Variants in GLCE observed in about 807,000 individuals in gnomAD.
GLCE encodes the protein glucuronic acid epimerase, also known as D-glucuronyl C5-epimerase.
Under a neutral mutation model 47.9 loss-of-function variants are expected in GLCE, and 19 were observed. The observed-to-expected ratio is 0.40, with a 90% CI of 0.28 to 0.58. GLCE has a LOEUF of 0.58. Among genes scored for constraint, GLCE ranks in the 20% least tolerant of loss-of-function variants. The pLI, the probability that GLCE is intolerant of heterozygous loss-of-function variation, is 0.48. For synonymous variants in GLCE, 245 were observed against 263.4 expected, an observed-to-expected ratio of 0.93 and a Z score of 0.68; for missense variants, 556 against 743.3, an observed-to-expected ratio of 0.75 and a Z score of 2.93.
intron 1 of GLCE, among the ~76,000 whole-genome samples, chr15:69,201,315 A>G (rs1267132129): frequency 1.3e-5 from 2 of 152,064 alleles, no homozygotes; most frequent in Non-Finnish European, 2.9e-5. Flanking sequence ...AGATCACTGG[A>G]GTCAAGGAAG....
intron 1 of GLCE, among the ~76,000 whole-genome samples, chr15:69,175,718 C>T (rs2051652628): frequency 6.6e-6 from 1 of 152,138 alleles, no homozygotes; most frequent in African/African-American, 2.4e-5. Context: ...GGCTTTTGCT[C>T]AGGGGAAGTT....
chr15:69,264,103 C>A (rs2053051895), intron 4 of GLCE, among the ~76,000 whole-genome samples: 1 of 151,910 alleles, frequency 6.6e-6, no homozygotes, highest in African/African-American at 2.4e-5. Context: ...TACATCAGAC[C>A]CCTAGATCTT....
intron 2 of GLCE, among the ~76,000 whole-genome samples, chr15:69,243,946 A>T (rs1237811558): frequency 6.6e-6 from 1 of 152,126 alleles, no homozygotes; most frequent in African/African-American, 2.4e-5. Flanking sequence ...AGCCCAAAAA[A>T]TAGCTTTATC....
At chr15:69,219,678 T>C (rs544161670) in intron 2 of GLCE, among the ~76,000 whole-genome samples, 12 of 152,170 alleles carry the variant, frequency 7.9e-5, no homozygotes, top group Non-Finnish European at 1.8e-4. Context: ...TTTTTAAGAT[T>C]ATTGCCAGTT....
chr15:69,197,630 A>G (rs2052013233), intron 1 of GLCE, among the ~76,000 whole-genome samples: 1 of 152,094 alleles, frequency 6.6e-6, no homozygotes, highest in Admixed American at 6.6e-5. Context: ...GAAGTCGGAG[A>G]ATCGATTGTT....
In GLCE at chr15:69,268,480, C is replaced by G. The variant is rs776430099; in HGVS notation, c.1090C>G (p.Leu364Val). ...CACTGACCTCAGGAAAGGAGTGGGT[C>G]TTTCAAACACAAAAGCTGTCAAGCC... is the stretch of plus-strand genomic sequence containing the variant. Reference protein sequence around the residue: ...LVTDLRKGVGLSNTKAVKPTK... With the variant: ...LVTDLRKGVGVSNTKAVKPTK... The change falls in exon 5 of 5, where the codon CTT becomes GTT. Residue 364 changes from leucine to valine, a missense_variant. Transcript: ENST00000261858. The G allele has an allele frequency of 6.2e-7, 1 of 1,614,188 alleles. No individual in the cohort carries two copies. Among genetic ancestry groups the G allele is most frequent in the South Asian group, 1.1e-5 (1 of 91,076 alleles).
intron 1 of GLCE, among the ~76,000 whole-genome samples, chr15:69,169,342 G>T (rs547135920): frequency 6.6e-6 from 1 of 152,002 alleles, no homozygotes; most frequent in Non-Finnish European, 1.5e-5. Context: ...TTGGCAAAGC[G>T]CTTCATTTAA....
At chr15:69,168,987 G>T (rs1054463898) in intron 1 of GLCE, among the ~76,000 whole-genome samples, 3 of 152,162 alleles carry the variant, frequency 2.0e-5, no homozygotes, top group African/African-American at 4.8e-5. Context: ...GACCTTGAAA[G>T]CTTCCCTCCT....
chr15:69,254,690 G>A (rs560306928), intron 2 of GLCE, among the ~76,000 whole-genome samples: 1 of 152,270 alleles, frequency 6.6e-6, no homozygotes, highest in African/African-American at 2.4e-5. Flanking sequence ...AGGAAGGGTG[G>A]AACAGATTGA....
intron 1 of GLCE, among the ~76,000 whole-genome samples, chr15:69,193,415 C>A (rs2051942161): frequency 6.6e-6 from 1 of 152,066 alleles, no homozygotes; most frequent in African/African-American, 2.4e-5. Flanking sequence ...CATACTTTTC[C>A]ATTTATACCA....
chr15:69,165,638 T>C (rs1369194673), intron 1 of GLCE, among the ~76,000 whole-genome samples: 1 of 152,022 alleles, frequency 6.6e-6, no homozygotes, highest in East Asian at 1.9e-4. Flanking sequence ...CACTGTATCA[T>C]GTTCATTCAT....
At chr15:69,162,519 A>G (rs1486600821) in intron 1 of GLCE, among the ~76,000 whole-genome samples, 1 of 151,636 alleles carries the variant, frequency 6.6e-6, no homozygotes, top group Non-Finnish European at 1.5e-5. Flanking sequence ...TGCCTGCCTT[A>G]GTCTTTTTCT....
intron 2 of GLCE, among the ~76,000 whole-genome samples, chr15:69,216,683 C>T (rs943138072): frequency 6.6e-6 from 1 of 152,074 alleles, no homozygotes; most frequent in African/African-American, 2.4e-5. Flanking sequence ...TGTATAGCTG[C>T]TGTATAGTTC....
chr15:69,195,347 G>A (rs1466768598), intron 1 of GLCE, among the ~76,000 whole-genome samples: 2 of 151,784 alleles, frequency 1.3e-5, no homozygotes, highest in East Asian at 3.8e-4. Flanking sequence ...TAGAAAAAGA[G>A]AAGTAAAAAA....
In GLCE at chr15:69,244,619, T is replaced by C. The variant is rs2052722069; in HGVS notation, c.-13-11175T>C. On this transcript the variant is annotated intron_variant, in intron 2 of 4. Transcript: ENST00000261858. Reference sequence around the variant, plus strand: ...CAGAGCACAGCCTTTGGAGTCAGACTGAAAAACTGGAGTTAAAATACCATT... The same window carrying C: ...CAGAGCACAGCCTTTGGAGTCAGACCGAAAAACTGGAGTTAAAATACCATT... Among the ~76,000 whole-genome samples, 3 of 152,194 alleles carry C rather than the reference T, an allele frequency of 2.0e-5. No homozygotes were observed. In the South Asian group the frequency reaches 6.2e-4, roughly 32 times the overall value.
At chr15:69,228,070 GT>G (rs1010039613) in intron 2 of GLCE, among the ~76,000 whole-genome samples, 1 of 152,142 alleles carries the variant, frequency 6.6e-6, no homozygotes, top group African/African-American at 2.4e-5. Context: ...TAGGAGGAAA[GT>G]TTTTCTTCTC....
chr15:69,194,251 A>G (rs1318486131), intron 1 of GLCE, among the ~76,000 whole-genome samples: 3 of 152,166 alleles, frequency 2.0e-5, no homozygotes, highest in African/African-American at 7.2e-5. Flanking sequence ...ATCTAGATTT[A>G]TACTAAGGAA....
intron 1 of GLCE, among the ~76,000 whole-genome samples, chr15:69,178,067 C>T (rs1038707819): frequency 2.0e-5 from 3 of 152,006 alleles, no homozygotes; most frequent in East Asian, 3.8e-4. Context: ...TATTAGTGTA[C>T]GAGTCTTTAT....
intron 1 of GLCE, among the ~76,000 whole-genome samples, chr15:69,161,815 G>C (rs1289233461): frequency 6.6e-6 from 1 of 152,174 alleles, no homozygotes; most frequent in African/African-American, 2.4e-5. Flanking sequence ...CACCTTAGGT[G>C]GGCGTTTGGT....
Sources: gnomAD v4.1 joint callset for allele counts (sites outside exome capture counted in the v4.1 genomes callset) on GRCh38, gnomAD v4.1.1 for gene constraint, MANE v1.5 for transcripts, NCBI Gene and HGNC (gene_info 2026-07-23, HGNC 2026-07-21) for gene names.